CETP: variants seen among roughly 807,000 people sequenced by gnomAD.
The protein encoded by CETP is cholesteryl ester transfer protein.
In CETP, 56 loss-of-function variants were observed where a neutral mutation model predicts 66.5. The observed-to-expected ratio is 0.84, with a 90% confidence interval of 0.68 to 1.05. CETP has a LOEUF of 1.05. Ranked by LOEUF, CETP falls within the 50% of genes least tolerant of loss-of-function variation. The pLI is 0.00. For missense variants in CETP, 612 were observed against 609.6 expected (o/e 1.00, Z -0.04); for synonymous variants, 251 against 245.7 (o/e 1.02, Z -0.20).
Position 56,983,254 on chromosome 16 carries a change from C to T in CETP, c.1322-72C>T, listed in dbSNP as rs36051594. On this transcript the variant is annotated intron_variant, in intron 14 of 15. Coordinates refer to ENST00000200676, the MANE Select transcript of CETP (RefSeq NM_000078.3). The stretch of plus-strand genomic sequence containing the variant: ...AAAGGGTCTCAGCATCTCCCACTAC[C>T]CAGGGTGGCAGAGCCTCGGGCCGGC... The T allele has an allele frequency of 2.0e-3, 2,478 of 1,237,640 alleles. 38 individuals carry two copies. The African/African-American group carries it at 0.031, about 15-fold the overall frequency. The allele number at this position is 1,237,640 out of a possible 1,614,324, so 76.7% of individuals were successfully genotyped here. A position where few individuals can be genotyped will look rare whatever the true frequency, so the allele number is the denominator to read the frequency against.
intron 5 of CETP, among the ~76,000 whole-genome samples, chr16:56,970,659 C>T (rs2056102982): frequency 6.6e-6 from 1 of 152,192 alleles, no homozygotes; most frequent in Non-Finnish European, 1.5e-5. Flanking sequence ...AGTCATGTTA[C>T]CAATGCCAAA....
At chr16:56,975,294 G>C (rs2056142053) in intron 10 of CETP, 143 bp downstream of exon 10, 8 of 732,330 alleles carry the variant, frequency 1.1e-5, no homozygotes, top group Non-Finnish European at 1.4e-5. Context: ...TGTTCGGCAT[G>C]GAGTGAAGCA....
At chr16:56,962,939 G>A (rs2056034973) in intron 1 of CETP, 71 bp from the exon 2 acceptor site, 2 of 1,377,250 alleles carry the variant, frequency 1.5e-6, no homozygotes, top group Admixed American at 1.7e-5. Flanking sequence ...TCATGGCCAA[G>A]GCCAGTTGGG....
At chr16:56,964,998 A>G (rs1395137417) in intron 2 of CETP, among the ~76,000 whole-genome samples, 1 of 152,158 alleles carries the variant, frequency 6.6e-6, no homozygotes, top group Non-Finnish European at 1.5e-5. Flanking sequence ...CTGCAGTCCC[A>G]GCTACTCAGG....
chr16:56,968,336 C>G lies in CETP; in HGVS notation c.234-1050C>G, dbSNP rs143888827. Among the ~76,000 whole-genome samples the G allele has an allele frequency of 7.3e-3, 1,115 of 152,130 alleles. 17 individuals carry two copies. Among genetic ancestry groups the G allele is most frequent in the African/African-American group, 0.025 (1,030 of 41,472 alleles). On this transcript the variant is annotated intron_variant, in intron 2 of 15. Transcript: ENST00000200676. ...AACTAGCTGGGACTACAGACGCCCA[C>G]CATCATGCCCGGTTAATTTTTTTGT...
Position 56,983,397 on chromosome 16 carries a change from A to T in CETP, c.1393A>T (p.Ile465Phe), listed in dbSNP as rs1273184461. Residue 465 changes from isoleucine (I) to phenylalanine (F), a missense_variant, in exon 15 of 16, where the codon ATT becomes TTT. Physicochemically the swap from Ile to Phe is conservative, Grantham distance 21 (BLOSUM62 0). Transcript: ENST00000200676. ...VSLFDIINPEIITRDGFLLLQ... is the reference protein window; with the variant it reads ...VSLFDIINPEFITRDGFLLLQ... ...CCTCTTCGACATCATCAACCCTGAG[A>T]TTATCACTCGAGATGTGAGTACAAA... is the stretch of plus-strand genomic sequence containing the variant. 1.2e-6 allele frequency: 2 copies of T among 1,614,156 alleles called. No individual in the cohort carries two copies. The highest frequency in any genetic ancestry group is 1.1e-5 in the South Asian group (1 of 91,086).
chr16:56,969,960 G>A lies in CETP; in HGVS notation c.486G>A (p.Leu162=), dbSNP rs368753277. The change falls in exon 5 of 16, where the codon CTG becomes CTA. Residue 162 remains leucine, a synonymous_variant. Transcript: ENST00000200676. Reference sequence around the variant, plus strand: ...GGACCGATGCCCCTGACTGCTACCTGTCTTTCCATAAGCTGCTCCTGCATC... The same window carrying A: ...GGACCGATGCCCCTGACTGCTACCTATCTTTCCATAAGCTGCTCCTGCATC... The part of the protein sequence containing the change: ...RVRTDAPDCY[L]SFHKLLLHLQ... 1.2e-6 allele frequency: 2 copies of A among 1,614,036 alleles called. No homozygotes were observed. Among genetic ancestry groups the A allele is most frequent in the South Asian group, 1.1e-5 (1 of 91,076 alleles).
At chr16:56,981,796 A>AGGT in intron 13 of CETP, 116 bp downstream of exon 13, 1 of 1,018,144 alleles carries the variant, frequency 9.8e-7, no homozygotes, top group Non-Finnish European at 1.5e-6. Flanking sequence ...AATGTGGACC[A>AGGT]GGTGGTCCAT....
chr16:56,971,248 C>G (rs1195162115), intron 6 of CETP, 73 bp from the exon 7 acceptor site: 1 of 1,555,780 alleles, frequency 6.4e-7, no homozygotes, highest in Non-Finnish European at 8.9e-7. Flanking sequence ...ACTGCCACCA[C>G]CACGCAGCTG....
intron 10 of CETP, among the ~76,000 whole-genome samples, chr16:56,977,653 C>G (rs2056158925): frequency 6.6e-6 from 1 of 152,210 alleles, no homozygotes; most frequent in South Asian, 2.1e-4. Flanking sequence ...GCTCTCTGCT[C>G]TATCCCCACC....
Position 56,983,333 on chromosome 16 carries a change from G to A in CETP, c.1329G>A (p.Glu443=), listed in dbSNP as rs2056201668. The A allele has an allele frequency of 3.1e-6, 5 of 1,614,084 alleles. No homozygotes were observed. The highest frequency in any genetic ancestry group is 3.4e-6 in the Non-Finnish European group (4 of 1,180,018). ...VGIPEVMSRL[E]VVFTALMNSK... ...CTCTGTCCCCTGCCCCAGGGCTCGA[G>A]GTAGTGTTTACAGCCCTCATGAACA... Residue 443 remains glutamate (E), a synonymous_variant, in exon 15 of 16, where the codon GAG becomes GAA. Transcript: ENST00000200676.
chr16:56,981,497 C>G (rs1418020592), intron 12 of CETP, 150 bp from the exon 13 acceptor site: 1 of 1,021,422 alleles, frequency 9.8e-7, no homozygotes, highest in South Asian at 1.3e-5. Flanking sequence ...TAGCAAATCT[C>G]AAGGGAATAG....
At chr16:56,970,153 C>T (rs995998395) in intron 5 of CETP, 152 bp downstream of exon 5, 9 of 718,228 alleles carry the variant, frequency 1.3e-5, no homozygotes, top group African/African-American at 5.2e-5. Context: ...CTTCCTACCC[C>T]CTCCCATCAA....
chr16:56,975,012 C>A, intron 9 of CETP, 89 bp from the exon 10 acceptor site: 1 of 1,163,192 alleles, frequency 8.6e-7, no homozygotes, highest in South Asian at 1.2e-5. Flanking sequence ...GGGGTCCAGT[C>A]CTTGAAACTG....
At position 56,981,225 on chromosome 16, in the gene CETP, AG is replaced by A; in HGVS notation, c.1214+1del. On this transcript the variant is annotated splice_donor_variant, in intron 12 of 15. Coordinates refer to ENST00000200676, the MANE Select transcript of CETP (RefSeq NM_000078.3). LOFTEE classifies it high-confidence loss of function. ...CTCTTCTTAAGCCTCTTGGATTTCC[AG>A]TATGTGCTGCAGAGAAGAGAGGGGG... is the stretch of plus-strand genomic sequence containing the variant. 1 of 1,610,428 alleles carries A rather than the reference AG, an allele frequency of 6.2e-7. No homozygotes were observed. The highest frequency in any genetic ancestry group is 8.5e-7 in the Non-Finnish European group (1 of 1,176,596).
At chr16:56,979,300 G>A (rs1392867003) in intron 11 of CETP, among the ~76,000 whole-genome samples, 2 of 152,146 alleles carry the variant, frequency 1.3e-5, no homozygotes, top group African/African-American at 4.8e-5. Flanking sequence ...AGGGTGTGGG[G>A]TGGCACCCCA....
At chr16:56,971,220 CCT>C in intron 6 of CETP, 99 bp from the exon 7 acceptor site, 1 of 1,509,042 alleles carries the variant, frequency 6.6e-7, no homozygotes. Context: ...TGGCCAGTCC[CCT>C]GTGCCGGTCC....
chr16:56,975,020 C>A, intron 9 of CETP, 81 bp from the exon 10 acceptor site: 1 of 1,278,154 alleles, frequency 7.8e-7, no homozygotes, highest in Non-Finnish European at 1.1e-6. Context: ...GTCCTTGAAA[C>A]TGCCCTTGGT....
intron 10 of CETP, among the ~76,000 whole-genome samples, chr16:56,977,083 G>C (rs2056155010): frequency 1.3e-5 from 2 of 151,632 alleles, no homozygotes; most frequent in Non-Finnish European, 2.9e-5. Context: ...TCATTTTTTT[G>C]TATTTTTAGT....
Sources: gnomAD v4.1 joint callset for allele counts (sites outside exome capture counted in the v4.1 genomes callset) on GRCh38, gnomAD v4.1.1 for gene constraint, MANE v1.5 for transcripts, NCBI Gene and HGNC (gene_info 2026-07-23, HGNC 2026-07-21) for gene names.